The following CNTN4 variants were observed in gnomAD, a reference collection of about 807,000 sequenced individuals.
CNTN4 encodes the protein contactin-4.
Under a neutral mutation model 122.5 loss-of-function variants are expected in CNTN4, and 77 were observed. The observed-to-expected ratio is 0.63, with a 90% confidence interval of 0.52 to 0.76. The LOEUF (loss-of-function observed/expected upper bound fraction) is 0.76. Among genes scored for constraint, CNTN4 ranks in the 30% least tolerant of loss-of-function variants. The pLI is 0.00. For synonymous variants in CNTN4, 512 were observed against 447.0 expected, an observed-to-expected ratio of 1.15 and a Z score of -1.83; for missense variants, 1,256 against 1,259.1, an observed-to-expected ratio of 1.00 and a Z score of 0.04.
At chr3:2,465,118 T>A (rs1243742702) in intron 3 of CNTN4, among the ~76,000 whole-genome samples, 1 of 152,216 alleles carries the variant, frequency 6.6e-6, no homozygotes, top group Non-Finnish European at 1.5e-5. Flanking sequence ...ATGGTATTTA[T>A]GTATATTTTA....
chr3:2,924,342 C>A (rs935576386), intron 12 of CNTN4, among the ~76,000 whole-genome samples: 1 of 151,742 alleles, frequency 6.6e-6, no homozygotes, highest in African/African-American at 2.4e-5. Context: ...ATAACACACA[C>A]CTCAAGTTCT....
At chr3:2,237,726 A>G (rs933196002) in intron 2 of CNTN4, among the ~76,000 whole-genome samples, 1 of 152,182 alleles carries the variant, frequency 6.6e-6, no homozygotes, top group African/African-American at 2.4e-5. Context: ...ATAAGAAGGG[A>G]GTTGTTTTCA....
At chr3:2,186,703 G>A (rs200450280) in intron 2 of CNTN4, among the ~76,000 whole-genome samples, 2 of 152,160 alleles carry the variant, frequency 1.3e-5, no homozygotes, top group East Asian at 3.9e-4. Flanking sequence ...ATTTTTTCAT[G>A]TGTCTGTTGG....
At chr3:2,543,599 T>C (rs190376728) in intron 3 of CNTN4, among the ~76,000 whole-genome samples, 7 of 152,192 alleles carry the variant, frequency 4.6e-5, no homozygotes, top group African/African-American at 1.2e-4. Flanking sequence ...TCAGTGAGGA[T>C]AATAGGGAGC....
intron 6 of CNTN4, among the ~76,000 whole-genome samples, chr3:2,763,157 G>A (rs566546919): frequency 6.6e-6 from 1 of 152,190 alleles, no homozygotes; most frequent in African/African-American, 2.4e-5. Flanking sequence ...ATGTTAGCCA[G>A]GATGGTTTCG....
At chr3:2,268,744 G>A (rs891015223) in intron 2 of CNTN4, among the ~76,000 whole-genome samples, 2 of 152,014 alleles carry the variant, frequency 1.3e-5, no homozygotes, top group Non-Finnish European at 2.9e-5. Context: ...TTATAACATG[G>A]TATGCAACTC....
intron 6 of CNTN4, among the ~76,000 whole-genome samples, chr3:2,796,898 C>T (rs1008427223): frequency 1.3e-5 from 2 of 152,192 alleles, no homozygotes; most frequent in East Asian, 1.9e-4. Flanking sequence ...TAATGTTGCT[C>T]AGTACCCCAC....
intron 2 of CNTN4, among the ~76,000 whole-genome samples, chr3:2,169,562 C>A (rs919835065): frequency 6.7e-6 from 1 of 149,328 alleles, no homozygotes; most frequent in Non-Finnish European, 1.5e-5. Context: ...GCCGCCACCA[C>A]GCCCGGCTGA....
At chr3:3,028,858 AT>A (rs142007530) in intron 15 of CNTN4, among the ~76,000 whole-genome samples, 3,947 of 152,026 alleles carry the variant, frequency 0.026, 172 homozygotes, top group African/African-American at 0.09. Context: ...TTATATGTGG[AT>A]TTTTTTTCTA....
chr3:2,670,955 G>C (rs576050302), intron 4 of CNTN4, among the ~76,000 whole-genome samples: 1 of 152,326 alleles, frequency 6.6e-6, no homozygotes, highest in African/African-American at 2.4e-5. Flanking sequence ...TTTCTGCGGA[G>C]AGATCAGCTG....
intron 3 of CNTN4, among the ~76,000 whole-genome samples, chr3:2,541,024 C>T (rs1211593446): frequency 2.6e-5 from 4 of 152,104 alleles, no homozygotes; most frequent in African/African-American, 7.2e-5. Flanking sequence ...TTTCTTCACT[C>T]ATTACATAGC....
intron 2 of CNTN4, among the ~76,000 whole-genome samples, chr3:2,192,865 G>A (rs988907053): frequency 6.6e-6 from 1 of 152,092 alleles, no homozygotes; most frequent in African/African-American, 2.4e-5. Flanking sequence ...TTGTTGTCAT[G>A]GGCGACATGG....
At chr3:2,228,265 TG>T (rs1575125279) in intron 2 of CNTN4, among the ~76,000 whole-genome samples, 1 of 152,128 alleles carries the variant, frequency 6.6e-6, no homozygotes, top group East Asian at 1.9e-4. Context: ...CCAACCTAAA[TG>T]TGGTTTTTAC....
chr3:2,616,790 G>A (rs1192000677), intron 4 of CNTN4, among the ~76,000 whole-genome samples: 4 of 152,142 alleles, frequency 2.6e-5, no homozygotes, highest in Admixed American at 2.6e-4. Context: ...TAGCAAAACA[G>A]ACATATAGAC....
intron 2 of CNTN4, among the ~76,000 whole-genome samples, chr3:2,105,566 C>G (rs2032371873): frequency 6.6e-6 from 1 of 152,144 alleles, no homozygotes; most frequent in Non-Finnish European, 1.5e-5. Context: ...ACCATCAGAT[C>G]TCATGAGAAC....
At chr3:2,259,781 TG>T (rs1164408408) in intron 2 of CNTN4, among the ~76,000 whole-genome samples, 1 of 152,172 alleles carries the variant, frequency 6.6e-6, no homozygotes, top group East Asian at 1.9e-4. Flanking sequence ...AGATGAGATT[TG>T]GGCGGGGGAC....
intron 3 of CNTN4, among the ~76,000 whole-genome samples, chr3:2,499,767 A>G (rs2148992492): frequency 6.6e-6 from 1 of 152,230 alleles, no homozygotes; most frequent in African/African-American, 2.4e-5. Flanking sequence ...ATGTCTACTA[A>G]AACCTTACAG....
chr3:2,700,688 G>A (rs1220098719), intron 4 of CNTN4, among the ~76,000 whole-genome samples: 1 of 151,944 alleles, frequency 6.6e-6, no homozygotes. Context: ...CATCTATATG[G>A]ATCAATTCCA....
At chr3:2,839,450 G>A (rs9810902) in intron 7 of CNTN4, among the ~76,000 whole-genome samples, 35,863 of 151,610 alleles carry the variant, frequency 0.24, 4,584 homozygotes, top group African/African-American at 0.32. Flanking sequence ...ACAACAGAAA[G>A]AGGTCGGATG....
Sources: gnomAD v4.1 joint callset for allele counts (sites outside exome capture counted in the v4.1 genomes callset) on GRCh38, gnomAD v4.1.1 for gene constraint, MANE v1.5 for transcripts, NCBI Gene and HGNC (gene_info 2026-07-23, HGNC 2026-07-21) for gene names.